The following SRGAP3 variants were observed in gnomAD, a reference collection of about 807,000 sequenced individuals.
SRGAP3 encodes SLIT-ROBO Rho GTPase activating protein 3, also known as SLIT-ROBO Rho GTPase-activating protein 3.
Under a neutral mutation model 121.1 loss-of-function variants are expected in SRGAP3, and 39 were observed. That is an observed-to-expected ratio of 0.32 (90% confidence interval 0.25 to 0.42). SRGAP3 has a LOEUF of 0.42. SRGAP3 is among the 10% of genes least tolerant of loss of function. The pLI is 1.00. For synonymous variants in SRGAP3, 601 were observed against 570.0 expected (o/e 1.05, Z -0.77); for missense variants, 1,213 against 1,470.6 (o/e 0.82, Z 2.86).
chr3:9,072,437 G>A (rs1370482313), intron 4 of SRGAP3, among the ~76,000 whole-genome samples: 1 of 152,206 alleles, frequency 6.6e-6, no homozygotes, highest in African/African-American at 2.4e-5. Flanking sequence ...GTGAATGGGT[G>A]TCTGGGCAGG....
intron 3 of SRGAP3, among the ~76,000 whole-genome samples, chr3:9,270,506 G>A (rs1220783721): frequency 6.6e-6 from 1 of 152,094 alleles, no homozygotes; most frequent in East Asian, 1.9e-4. Flanking sequence ...AAGTGCATAC[G>A]CTTATCAAAA....
Position 9,249,236 on chromosome 3 carries a change from G to T in SRGAP3, c.-285C>A. Reference sequence around the variant, plus strand: ...CAGTAACCTGCCCCAGATTTTCAAAGATTTTTCTTCCAAAAATAATAATAA... The same window carrying T: ...CAGTAACCTGCCCCAGATTTTCAAATATTTTTCTTCCAAAAATAATAATAA... On this transcript the variant is annotated 5_prime_UTR_variant, in exon 1 of 22. Transcript: ENST00000383836. 1.9e-6 allele frequency: 1 copy of T among 517,220 alleles called. No individual in the cohort carries two copies. The highest frequency in any genetic ancestry group is 3.5e-6 in the Non-Finnish European group (1 of 285,456). 32.0% of individuals were successfully genotyped at this position (517,220 alleles called of 1,614,324 possible). A position where few individuals can be genotyped will look rare whatever the true frequency, so the allele number is the denominator to read the frequency against.
chr3:9,185,537 C>CA (rs1951569346), intron 1 of SRGAP3, among the ~76,000 whole-genome samples: 1 of 145,132 alleles, frequency 6.9e-6, no homozygotes, highest in Non-Finnish European at 1.5e-5. Flanking sequence ...TTCCTTATTT[C>CA]TTTTTTTTTT....
intron 3 of SRGAP3, among the ~76,000 whole-genome samples, chr3:9,082,545 C>T (rs756060789): frequency 7.9e-5 from 12 of 152,222 alleles, no homozygotes; most frequent in African/African-American, 1.7e-4. Context: ...ACCCAGTCTA[C>T]GGTATTTTGT....
chr3:9,097,017 G>T (rs1292505920), intron 3 of SRGAP3, among the ~76,000 whole-genome samples: 1 of 139,046 alleles, frequency 7.2e-6, no homozygotes, highest in Non-Finnish European at 1.5e-5. Flanking sequence ...TAGAGACAGG[G>T]TCTCTCTCTA....
At chr3:9,012,111 G>C (rs1315127116) in intron 17 of SRGAP3, among the ~76,000 whole-genome samples, 3 of 152,172 alleles carry the variant, frequency 2.0e-5, no homozygotes, top group Non-Finnish European at 2.9e-5. Flanking sequence ...CGAGATTAGA[G>C]AGCTGTGATC....
Position 9,032,697 on chromosome 3 carries a change from C to A in SRGAP3, c.1492G>T (p.Val498Leu), listed in dbSNP as rs376476983. 4.3e-6 allele frequency: 7 copies of A among 1,613,418 alleles called. No homozygotes were observed. The South Asian group carries it at 5.5e-5, about 13-fold the overall frequency. The change falls in exon 12 of 22, where the codon GTG becomes TTG. Residue 498 changes from valine to leucine, a missense_variant. By Grantham distance (32) the Val-to-Leu change is conservative. Around this residue, in one of 2 missense-constraint regions of SRGAP3, gnomAD observed 793 missense variants for 1,032.9 expected, o/e 0.77. Transcript: ENST00000383836. ...CCGTTAAAGAGTTTATGGCTATACA[C>A]TGAGAGAGGCCTAGGTCTCCTCATT... The part of the protein sequence containing the change: ...QKMRRPRPLS[V>L]YSHKLFNGSM...
intron 2 of SRGAP3, among the ~76,000 whole-genome samples, 192 bp downstream of exon 2, chr3:9,124,533 C>T (rs1949145064): frequency 6.6e-6 from 1 of 152,224 alleles, no homozygotes; most frequent in Admixed American, 6.5e-5. Context: ...TGCAGAGGAA[C>T]TCTTTCTAGC....
chr3:9,052,987 T>C (rs1043015023), intron 9 of SRGAP3, 40 bp downstream of exon 9: 31 of 1,607,464 alleles, frequency 1.9e-5, no homozygotes, highest in Non-Finnish European at 2.5e-5. Context: ...TGCCAGTGGC[T>C]TGGCCGACAG....
chr3:9,223,590 C>T (rs1225550940), intron 1 of SRGAP3, among the ~76,000 whole-genome samples: 1 of 152,186 alleles, frequency 6.6e-6, no homozygotes, highest in African/African-American at 2.4e-5. Context: ...AGTCCAACTC[C>T]ACCTGCATCA....
At chr3:9,040,918 T>C (rs915619058) in intron 10 of SRGAP3, among the ~76,000 whole-genome samples, 2 of 152,240 alleles carry the variant, frequency 1.3e-5, no homozygotes, top group African/African-American at 4.8e-5. Context: ...TGGAAAATAC[T>C]GTGTTCTGTG....
At chr3:9,004,536 T>C (rs1331709132) in intron 18 of SRGAP3, among the ~76,000 whole-genome samples, 1 of 152,190 alleles carries the variant, frequency 6.6e-6, no homozygotes, top group African/African-American at 2.4e-5. Context: ...AAAGCAACAG[T>C]AATGAAGACA....
rs886587640 is a variant in SRGAP3, at chr3:9,315,339, G to A, written n.442+10671C>T. On this transcript the variant is annotated intron_variant and non_coding_transcript_variant, in intron 3 of 3. Coordinates refer to the SRGAP3 transcript ENST00000490889. ...CCACTGCATTTCACAGGCTATGGCT[G>A]GACCACAACCCCCTCCTTAAACCAA... Among the ~76,000 whole-genome samples, 6 of 152,296 alleles carry A rather than the reference G, an allele frequency of 3.9e-5. No individual in the cohort carries two copies. The South Asian group carries it at 1.0e-3, about 26-fold the overall frequency.
rs78039999 is a variant in SRGAP3 at position 9,044,970 on chromosome 3, T to C, written c.1408+2421A>G. 7.5e-3 allele frequency among the ~76,000 whole-genome samples: 1,140 copies of C among 152,264 alleles called. 73 individuals carry two copies. The East Asian group carries it at 0.17, about 23-fold the overall frequency. On this transcript the variant is annotated intron_variant, in intron 10 of 21. Transcript: ENST00000383836. ...GTGGCTATATAAAAATGACTGGAGA[T>C]TTGGTCTCAATTTATTCAGGGTCCA...
In SRGAP3 at chr3:9,157,894, C is replaced by T. The variant is rs564739641; in HGVS notation, c.68-32977G>A. ...AATCCTACAGGAAAAGTTTTCAGCT[C>T]GAGGGAAGATTCTTCAAGGGGAGAC... On this transcript the variant is annotated intron_variant, in intron 1 of 21. Coordinates refer to ENST00000383836, the MANE Select transcript of SRGAP3 (RefSeq NM_014850.4). Among the ~76,000 whole-genome samples the T allele has an allele frequency of 4.6e-5, 7 of 152,286 alleles. No individual in the cohort carries two copies. The East Asian group carries it at 5.8e-4, about 13-fold the overall frequency.
At chr3:9,075,324 G>A (rs1013334571) in intron 4 of SRGAP3, among the ~76,000 whole-genome samples, 1 of 152,214 alleles carries the variant, frequency 6.6e-6, no homozygotes, top group Non-Finnish European at 1.5e-5. Context: ...ACGTGAATGT[G>A]CATATGTGCT....
chr3:9,011,593 A>T (rs145833203), intron 17 of SRGAP3, among the ~76,000 whole-genome samples: 7 of 152,294 alleles, frequency 4.6e-5, no homozygotes, highest in African/African-American at 1.7e-4. Context: ...CACTTCCCCC[A>T]GGAAGCCCTT....
intron 1 of SRGAP3, among the ~76,000 whole-genome samples, chr3:9,125,244 C>T (rs546872052): frequency 1.3e-5 from 2 of 152,268 alleles, no homozygotes; most frequent in South Asian, 2.1e-4. Context: ...ACCTTTCTTA[C>T]GGAGATGATC....
rs1018331130 is a variant in SRGAP3 at position 9,014,064 on chromosome 3, G to A, written c.1814-222C>T. 8.0e-5 allele frequency: 48 copies of A among 603,478 alleles called. 1 individual carries two copies. The highest frequency in any genetic ancestry group is 1.8e-4 in the South Asian group (10 of 55,376). 37.4% of individuals were successfully genotyped at this position (603,478 alleles called of 1,614,324 possible). A position where few individuals can be genotyped will look rare whatever the true frequency, so the allele number is the denominator to read the frequency against. On this transcript the variant is annotated intron_variant, in intron 15 of 21. Transcript: ENST00000383836. ...GTGGCCTAATCAAGAACCAATCAGA[G>A]TCGACTCTCCGGACTTGGTTGTGAG...
Sources: gnomAD v4.1 joint callset for allele counts (sites outside exome capture counted in the v4.1 genomes callset) on GRCh38, gnomAD v4.1.1 for gene constraint, gnomAD v4.1.1 regional missense constraint, MANE v1.5 for transcripts, NCBI Gene and HGNC (gene_info 2026-07-23, HGNC 2026-07-21) for gene names.